Variants in ST6GALNAC5 observed in about 807,000 individuals in gnomAD.
ST6GALNAC5 encodes the protein alpha-N-acetylgalactosaminide alpha-2,6-sialyltransferase 5.
A neutral mutation model predicts 33.6 loss-of-function variants in ST6GALNAC5; 27 were observed. The observed-to-expected ratio is 0.80, with a 90% CI of 0.59 to 1.11. The LOEUF (loss-of-function observed/expected upper bound fraction) is 1.11. ST6GALNAC5 is among the 50% of genes least tolerant of loss of function. The probability of loss-of-function intolerance (pLI) is 0.00; values close to 1 mark genes in which losing one functional copy is unlikely to be tolerated. For synonymous variants in ST6GALNAC5, 194 were observed against 171.2 expected, an observed-to-expected ratio of 1.13 and a Z score of -1.04; for missense variants, 428 against 454.0, an observed-to-expected ratio of 0.94 and a Z score of 0.52.
At chr1:76,871,242 C>T (rs1653496950) in intron 2 of ST6GALNAC5, 1 of 152,064 alleles carries the variant, frequency 6.6e-6, no homozygotes, top group African/African-American at 2.4e-5. Context: ...TACTCGATTG[C>T]TAATTTTTTT....
chr1:77,000,286 C>A lies in ST6GALNAC5; in HGVS notation c.262-43918C>A, dbSNP rs1183438956. 4.2e-4 allele frequency among the ~76,000 whole-genome samples: 51 copies of A among 120,450 alleles called. 4 individuals are homozygous for A. Among genetic ancestry groups the A allele is most frequent in the African/African-American group, 1.1e-3 (42 of 39,138 alleles). 79.0% of individuals were successfully genotyped at this position (120,450 alleles called of 152,430 possible). The stretch of plus-strand genomic sequence containing the variant: ...ATGTGTTTTTTGGCTGCATAAATGT[C>A]TTCTTTTGAGAAGTGTCTGTTCATG... On this transcript the variant is annotated intron_variant, in intron 2 of 4. Coordinates refer to ENST00000477717, the MANE Select transcript of ST6GALNAC5 (RefSeq NM_030965.3).
At chr1:76,884,017 T>C (rs796089841) in intron 2 of ST6GALNAC5, among the ~76,000 whole-genome samples, 25 of 152,344 alleles carry the variant, frequency 1.6e-4, no homozygotes, top group African/African-American at 4.8e-4. Context: ...CCATCAGATA[T>C]GTGTGCCAGT....
rs1440024857 is a variant in ST6GALNAC5 at position 77,067,521 on chromosome 1, GTC to G, written c.*4317_*4318del. On this transcript the variant is annotated 3_prime_UTR_variant, in exon 5 of 5. Transcript: ENST00000477717. Reference sequence around the variant, plus strand: ...TGCACACAATAGGTGCTCAATAAATGTCTGTTGTTGATCATGACCTCTTAATG... The same window carrying G: ...TGCACACAATAGGTGCTCAATAAATGTGTTGTTGATCATGACCTCTTAATG... Among the ~76,000 whole-genome samples, 1 of 152,232 alleles carries G rather than the reference GTC, an allele frequency of 6.6e-6. No homozygotes were observed. The highest frequency in any genetic ancestry group is 6.5e-5 in the Admixed American group (1 of 15,280).
At chr1:76,904,207 G>C (rs192890823) in intron 2 of ST6GALNAC5, among the ~76,000 whole-genome samples, 9 of 152,290 alleles carry the variant, frequency 5.9e-5, no homozygotes, top group African/African-American at 1.4e-4. Flanking sequence ...ATGGTAAGAA[G>C]GGTGAAAGTC....
At chr1:77,051,977 T>C (rs1314294017) in intron 4 of ST6GALNAC5, among the ~76,000 whole-genome samples, 2 of 152,246 alleles carry the variant, frequency 1.3e-5, no homozygotes, top group African/African-American at 4.8e-5. Flanking sequence ...CAAGTTAACC[T>C]GTCATTTCTC....
At chr1:76,954,775 G>A (rs1647888926) in intron 2 of ST6GALNAC5, among the ~76,000 whole-genome samples, 1 of 152,104 alleles carries the variant, frequency 6.6e-6, no homozygotes, top group Non-Finnish European at 1.5e-5. Flanking sequence ...GGGTGGCCAG[G>A]AAGCTTAGTA....
intron 2 of ST6GALNAC5, among the ~76,000 whole-genome samples, chr1:77,028,817 A>G (rs1055294109): frequency 2.6e-5 from 4 of 152,220 alleles, no homozygotes; most frequent in African/African-American, 7.2e-5. Flanking sequence ...TCCCAAAGTC[A>G]ACAGTTGGTA....
chr1:77,010,547 A>G (rs1046754096), intron 2 of ST6GALNAC5, among the ~76,000 whole-genome samples: 1 of 152,106 alleles, frequency 6.6e-6, no homozygotes, highest in Non-Finnish European at 1.5e-5. Context: ...GTTGGGGTAC[A>G]CACTTCCAAG....
At chr1:76,968,735 T>C (rs1371860220) in intron 2 of ST6GALNAC5, among the ~76,000 whole-genome samples, 2 of 152,224 alleles carry the variant, frequency 1.3e-5, no homozygotes, top group Admixed American at 6.5e-5. Context: ...TTCCTTTCCA[T>C]GTTTAGTGCT....
intron 2 of ST6GALNAC5, among the ~76,000 whole-genome samples, chr1:76,974,362 C>T (rs141141966): frequency 2.5e-3 from 378 of 151,970 alleles, no homozygotes; most frequent in African/African-American, 8.7e-3. Context: ...TGCATCACCA[C>T]ACTCAGTTGA....
intron 2 of ST6GALNAC5, among the ~76,000 whole-genome samples, chr1:76,981,012 G>A (rs1649226705): frequency 6.6e-6 from 1 of 152,122 alleles, no homozygotes; most frequent in South Asian, 2.1e-4. Context: ...TAATGAAAAA[G>A]GGGGGCACAT....
chr1:77,036,184 G>T (rs931124152), intron 2 of ST6GALNAC5, among the ~76,000 whole-genome samples: 1 of 152,044 alleles, frequency 6.6e-6, no homozygotes, highest in Non-Finnish European at 1.5e-5. Flanking sequence ...ATATTTTATT[G>T]TTCCATTTAT....
chr1:76,963,780 A>G (rs959359027), intron 2 of ST6GALNAC5, among the ~76,000 whole-genome samples: 2 of 152,216 alleles, frequency 1.3e-5, no homozygotes, highest in African/African-American at 4.8e-5. Context: ...CAAATAATTT[A>G]CCACGACTTA....
intron 2 of ST6GALNAC5, among the ~76,000 whole-genome samples, chr1:76,913,825 G>C (rs1244987828): frequency 6.6e-6 from 1 of 152,092 alleles, no homozygotes; most frequent in Non-Finnish European, 1.5e-5. Context: ...TCAACATAGT[G>C]TTGGAAGTTC....
At chr1:77,040,373 G>A (rs533406540) in intron 2 of ST6GALNAC5, among the ~76,000 whole-genome samples, 2 of 152,342 alleles carry the variant, frequency 1.3e-5, no homozygotes, top group African/African-American at 4.8e-5. Flanking sequence ...CTCAAAGAAC[G>A]AGTGTTAGTG....
At chr1:77,062,876 C>A in intron 4 of ST6GALNAC5, 99 bp from the exon 5 acceptor site, 1 of 804,824 alleles carries the variant, frequency 1.2e-6, no homozygotes, top group Admixed American at 2.6e-5. Flanking sequence ...CTAGAAAATA[C>A]AATTTTTATC....
At chr1:76,973,208 C>T (rs1648833283) in intron 2 of ST6GALNAC5, among the ~76,000 whole-genome samples, 1 of 151,684 alleles carries the variant, frequency 6.6e-6, no homozygotes, top group South Asian at 2.1e-4. Flanking sequence ...TGTCAGTGTT[C>T]TTCAGACAAA....
intron 2 of ST6GALNAC5, among the ~76,000 whole-genome samples, chr1:76,917,414 AATCT>A (rs1214609131): frequency 6.6e-6 from 1 of 152,144 alleles, no homozygotes; most frequent in Non-Finnish European, 1.5e-5. Flanking sequence ...CTCCATTCAT[AATCT>A]ATTATTGATC....
intron 2 of ST6GALNAC5, among the ~76,000 whole-genome samples, chr1:76,951,687 G>A (rs1321709760): frequency 6.6e-6 from 1 of 152,020 alleles, no homozygotes; most frequent in Non-Finnish European, 1.5e-5. Flanking sequence ...AAAAAGGTGT[G>A]TGTTTAAGCT....
Sources: gnomAD v4.1 joint callset for allele counts (sites outside exome capture counted in the v4.1 genomes callset) on GRCh38, gnomAD v4.1.1 for gene constraint, MANE v1.5 for transcripts, NCBI Gene and HGNC (gene_info 2026-07-23, HGNC 2026-07-21) for gene names.